The following SLC45A4 variants were observed in gnomAD, a reference collection of about 807,000 sequenced individuals.
SLC45A4 encodes the protein polyamine-transporter SLC45A4.
A neutral mutation model predicts 63.7 loss-of-function variants in SLC45A4; 32 were observed. The observed-to-expected ratio is 0.50, with a 90% CI of 0.38 to 0.67. The LOEUF (loss-of-function observed/expected upper bound fraction) is 0.67, where lower values mean the gene tolerates loss of function less well. Ranked by LOEUF, SLC45A4 falls within the 30% of genes least tolerant of loss-of-function variation. The probability of loss-of-function intolerance (pLI) is 0.00; values close to 1 mark genes in which losing one functional copy is unlikely to be tolerated. For synonymous variants in SLC45A4, 535 were observed against 510.0 expected (o/e 1.05, Z -0.66); for missense variants, 1,027 against 1,157.7 (o/e 0.89, Z 1.64).
chr8:141,282,017 G>C (rs1829971011), intron 1 of SLC45A4, among the ~76,000 whole-genome samples: 1 of 152,198 alleles, frequency 6.6e-6, no homozygotes, highest in African/African-American at 2.4e-5. Context: ...AAGGACACGG[G>C]TCAGCCATGG....
In SLC45A4 at chr8:141,218,917, G is replaced by A. The variant is rs1156923008; in HGVS notation, c.723C>T (p.Ile241=). 1 of 1,613,824 alleles carries A rather than the reference G, an allele frequency of 6.2e-7. No individual in the cohort carries two copies. Among genetic ancestry groups the A allele is most frequent in the African/African-American group, 1.3e-5 (1 of 75,076 alleles). The change falls in exon 5 of 9, where the codon ATC becomes ATT. Residue 241 remains isoleucine (I), a synonymous_variant. Coordinates refer to ENST00000517878, the MANE Select transcript of SLC45A4 (RefSeq NM_001286646.2). ...GGTGCAGGGCCACGGACACCGTGAA[G>A]ATGATGGCGGCAAAGAAGAAGAGCA... ...NQVLFFFAAI[I]FTVSVALHLF...
At position 141,218,341 on chromosome 8, in the gene SLC45A4, A is replaced by G. The variant is rs1366621935; in HGVS notation, c.1299T>C (p.Leu433=). The G allele has an allele frequency of 6.2e-7, 1 of 1,608,118 alleles. No individual in the cohort carries two copies. The highest frequency in any genetic ancestry group is 1.7e-4 in the Middle Eastern group (1 of 6,060). Residue 433 remains leucine, a synonymous_variant, in exon 5 of 9, where the codon CTT becomes CTC. Coordinates refer to ENST00000517878, the MANE Select transcript of SLC45A4 (RefSeq NM_001286646.2). ...GCCGGTAGCGGTAGCAGTGGGACCC[A>G]AGCTTGCCGTAGTAGGAGAAGGTGC... ...ASSTFSYYGK[L]GSHCYRYRRA...
chr8:141,241,692 G>A (rs886396957), intron 2 of SLC45A4, among the ~76,000 whole-genome samples: 1 of 152,144 alleles, frequency 6.6e-6, no homozygotes, highest in African/African-American at 2.4e-5. Flanking sequence ...GGACAGGTGG[G>A]CTGTCTCTCC....
At chr8:141,241,649 T>G (rs1827926388) in intron 2 of SLC45A4, among the ~76,000 whole-genome samples, 1 of 152,006 alleles carries the variant, frequency 6.6e-6, no homozygotes, top group Non-Finnish European at 1.5e-5. Flanking sequence ...GGGCAGGACC[T>G]GCTCAGGGGA....
chr8:141,305,326 C>A (rs1830864974), intron 1 of SLC45A4, among the ~76,000 whole-genome samples: 1 of 152,236 alleles, frequency 6.6e-6, no homozygotes, highest in Non-Finnish European at 1.5e-5. Flanking sequence ...CTCACCCCTT[C>A]CTTTCTACAA....
rs773948703 is a variant in SLC45A4 at position 141,256,623 on chromosome 8, C to T, written c.-400-1994G>A. On this transcript the variant is annotated intron_variant, in intron 1 of 8. Coordinates refer to ENST00000517878, the MANE Select transcript of SLC45A4 (RefSeq NM_001286646.2). The surrounding 1 kb of genome is among the most constrained non-coding windows in gnomAD (Gnocchi z 4.3). ...CAGCTCTTCCCTACATCTTCTTTCA[C>T]GCTGCAGCGGAAACCAGAATGCCTA... The T allele has an allele frequency of 7.9e-5, 36 of 456,162 alleles. No homozygotes were observed. The Middle Eastern group carries it at 1.3e-3, about 16-fold the overall frequency. The allele number at this position is 456,162 out of a possible 1,614,324, so 28.3% of individuals were successfully genotyped here.
At chr8:141,306,753 A>G (rs1285600040) in intron 1 of SLC45A4, among the ~76,000 whole-genome samples, 1 of 152,250 alleles carries the variant, frequency 6.6e-6, no homozygotes, top group African/African-American at 2.4e-5. Flanking sequence ...GGGGAATGGA[A>G]GCGCAGGGCG....
chr8:141,228,299 C>A, intron 2 of SLC45A4: 2 of 1,609,198 alleles, frequency 1.2e-6, no homozygotes, highest in Admixed American at 1.7e-5. Flanking sequence ...CTGTGCCAGG[C>A]ACCTCCCAGC....
intron 2 of SLC45A4, among the ~76,000 whole-genome samples, chr8:141,232,773 G>T (rs1827430311): frequency 1.4e-5 from 2 of 141,316 alleles, no homozygotes; most frequent in South Asian, 2.6e-4. Context: ...AGCTGCAACG[G>T]GAACACACAC....
At chr8:141,237,599 G>A (rs897986392) in intron 2 of SLC45A4, among the ~76,000 whole-genome samples, 2 of 152,020 alleles carry the variant, frequency 1.3e-5, no homozygotes, top group South Asian at 4.2e-4. Flanking sequence ...TCCAGACCTG[G>A]AGGGCCTCCA....
chr8:141,287,088 G>A (rs987439175), intron 1 of SLC45A4, among the ~76,000 whole-genome samples: 1 of 152,144 alleles, frequency 6.6e-6, no homozygotes, highest in African/African-American at 2.4e-5. Flanking sequence ...AGGCCTTAGG[G>A]TGTGAACAGA....
intron 1 of SLC45A4, among the ~76,000 whole-genome samples, chr8:141,260,287 A>AGGGTG (rs1202201878): frequency 6.6e-6 from 1 of 152,258 alleles, no homozygotes. Context: ...TTATCAACCT[A>AGGGTG]GGGTGTTAAC....
At chr8:141,267,741 C>A (rs1021624723) in intron 1 of SLC45A4, among the ~76,000 whole-genome samples, 3 of 148,874 alleles carry the variant, frequency 2.0e-5, no homozygotes, top group Non-Finnish European at 4.4e-5. Flanking sequence ...ACTCGAGGTC[C>A]TCAAGGGGTT....
At chr8:141,282,938 A>C (rs963882603) in intron 1 of SLC45A4, among the ~76,000 whole-genome samples, 3 of 152,242 alleles carry the variant, frequency 2.0e-5, no homozygotes, top group African/African-American at 7.2e-5. Flanking sequence ...CCTCGTGCCT[A>C]GGCCATGAGG....
chr8:141,280,002 A>G (rs1829874936), intron 1 of SLC45A4, among the ~76,000 whole-genome samples: 1 of 152,262 alleles, frequency 6.6e-6, no homozygotes, highest in African/African-American at 2.4e-5. Flanking sequence ...AACCAGCGGC[A>G]GCAGCGGCGG....
intron 1 of SLC45A4, among the ~76,000 whole-genome samples, chr8:141,298,101 T>C (rs1830627218): frequency 1.3e-5 from 2 of 152,226 alleles, no homozygotes; most frequent in Non-Finnish European, 2.9e-5. Flanking sequence ...CCCCAGGCTC[T>C]TTCTGCAAAG....
At chr8:141,266,045 G>T (rs766322665) in intron 1 of SLC45A4, among the ~76,000 whole-genome samples, 1 of 152,186 alleles carries the variant, frequency 6.6e-6, no homozygotes, top group Non-Finnish European at 1.5e-5. Flanking sequence ...TCACCAAAAA[G>T]GTAACTGGAG....
chr8:141,223,313 G>A (rs1826772385), intron 2 of SLC45A4, among the ~76,000 whole-genome samples: 1 of 152,250 alleles, frequency 6.6e-6, no homozygotes, highest in Non-Finnish European at 1.5e-5. Flanking sequence ...TCCGCTGGAT[G>A]GGTGAGAGTT....
chr8:141,242,410 G>A (rs181697484), intron 2 of SLC45A4, among the ~76,000 whole-genome samples: 1 of 152,360 alleles, frequency 6.6e-6, no homozygotes, highest in East Asian at 1.9e-4. Flanking sequence ...GCTCCTGGCT[G>A]TGACAATTCT....
Sources: allele counts gnomAD v4.1 joint callset (sites outside exome capture counted in the v4.1 genomes callset), GRCh38; gene constraint gnomAD v4.1.1; non-coding constraint Gnocchi (gnomAD v3.1); transcripts MANE v1.5; gene names NCBI Gene and HGNC (gene_info 2026-07-23, HGNC 2026-07-21).